The following CDH12 variants were observed in gnomAD, a reference collection of about 807,000 sequenced individuals.
CDH12 encodes cadherin-12.
Under a neutral mutation model 74.1 loss-of-function variants are expected in CDH12, and 41 were observed. The ratio of observed to expected loss-of-function variants is 0.55; its 90% CI spans 0.43 to 0.72. The LOEUF is 0.72. CDH12 is among the 30% of genes least tolerant of loss of function. CDH12 has a pLI of 0.00. For synonymous variants in CDH12, 399 were observed against 355.0 expected (o/e 1.12, Z -1.39); for missense variants, 945 against 977.2 (o/e 0.97, Z 0.44).
chr5:22,272,969 G>T (rs985384265), intron 3 of CDH12, among the ~76,000 whole-genome samples: 1 of 152,162 alleles, frequency 6.6e-6, no homozygotes, highest in Non-Finnish European at 1.5e-5. Flanking sequence ...AGAGAGAAGT[G>T]CCAGCAAGGG....
In CDH12 at chr5:22,181,111, G is replaced by A. The variant is rs544086154; in HGVS notation, c.-187+31387C>T. ...CTCACAAGCAAAATTATCAAGAAGC[G>A]TTGTATACCGTCTGAATCTCTGTTC... is the stretch of plus-strand genomic sequence containing the variant. On this transcript the variant is annotated intron_variant, in intron 4 of 14. Transcript: ENST00000382254. Among the ~76,000 whole-genome samples the A allele has an allele frequency of 1.2e-3, 183 of 152,128 alleles. 3 individuals carry two copies. The highest frequency in any genetic ancestry group is 4.0e-3 in the African/African-American group (168 of 41,526).
chr5:22,134,296 C>T (rs968594634), intron 4 of CDH12, among the ~76,000 whole-genome samples: 2 of 152,060 alleles, frequency 1.3e-5, no homozygotes, highest in Non-Finnish European at 2.9e-5. Flanking sequence ...GAGCTATGGG[C>T]TATTAGCTTG....
At chr5:22,404,103 G>T (rs1418992579) in intron 3 of CDH12, among the ~76,000 whole-genome samples, 3 of 151,940 alleles carry the variant, frequency 2.0e-5, no homozygotes, top group Non-Finnish European at 4.4e-5. Flanking sequence ...AGACATATTT[G>T]TATGTAATAT....
At chr5:21,875,448 A>G (rs1751877350) in intron 6 of CDH12, among the ~76,000 whole-genome samples, 1 of 152,220 alleles carries the variant, frequency 6.6e-6, no homozygotes, top group Admixed American at 6.5e-5. Flanking sequence ...GAATGGGTAG[A>G]GTTCCCTACT....
chr5:22,624,391 A>AT (rs1376414493), intron 1 of CDH12, among the ~76,000 whole-genome samples: 1 of 152,160 alleles, frequency 6.6e-6, no homozygotes, highest in Admixed American at 6.5e-5. Context: ...ATGGGAGAAA[A>AT]TTTTTGCAAT....
At chr5:22,636,226 A>T (rs1307478359) in intron 1 of CDH12, among the ~76,000 whole-genome samples, 2 of 152,098 alleles carry the variant, frequency 1.3e-5, no homozygotes, top group African/African-American at 4.8e-5. Context: ...GGAATATAAA[A>T]TAATGTAGTT....
At chr5:22,187,898 T>A (rs1167032614) in intron 4 of CDH12, among the ~76,000 whole-genome samples, 2 of 152,184 alleles carry the variant, frequency 1.3e-5, no homozygotes, top group African/African-American at 2.4e-5. Context: ...GGAATACAAC[T>A]GAAATAGAGA....
At chr5:22,215,130 T>C (rs1170807297) in intron 3 of CDH12, among the ~76,000 whole-genome samples, 1 of 152,192 alleles carries the variant, frequency 6.6e-6, no homozygotes, top group African/African-American at 2.4e-5. Context: ...GCAGACATTA[T>C]AATATTTTAT....
rs533527799 is a variant in CDH12 at position 22,044,288 on chromosome 5, T to C, written c.231+34158A>G. The stretch of plus-strand genomic sequence containing the variant: ...TTAGTCCATTTTCACACTGCTATAA[T>C]GATACTACCTAAGACTGGGTAATTT... On this transcript the variant is annotated intron_variant, in intron 5 of 14. Coordinates refer to ENST00000382254, the MANE Select transcript of CDH12 (RefSeq NM_004061.5). 3.3e-5 allele frequency among the ~76,000 whole-genome samples: 5 copies of C among 152,274 alleles called. 1 individual carries two copies. The highest frequency in any genetic ancestry group is 1.9e-4 in the East Asian group (1 of 5,186).
At chr5:22,720,913 G>A (rs1743848814) in intron 1 of CDH12, among the ~76,000 whole-genome samples, 1 of 152,152 alleles carries the variant, frequency 6.6e-6, no homozygotes. Context: ...TGTTTAAAGG[G>A]GAAGAAGAGT....
chr5:22,233,345 C>T (rs755840285), intron 3 of CDH12, among the ~76,000 whole-genome samples: 13 of 151,482 alleles, frequency 8.6e-5, no homozygotes, highest in Non-Finnish European at 1.3e-4. Context: ...AAGTAGTATC[C>T]GTATAATTCT....
chr5:22,205,555 T>G (rs1467208906), intron 4 of CDH12, among the ~76,000 whole-genome samples: 28 of 152,278 alleles, frequency 1.8e-4, no homozygotes, highest in Non-Finnish European at 2.5e-4. Context: ...TTATAGATTT[T>G]AGCAATAAGA....
At chr5:22,548,800 G>A (rs1020473946) in intron 1 of CDH12, among the ~76,000 whole-genome samples, 2 of 151,878 alleles carry the variant, frequency 1.3e-5, no homozygotes, top group African/African-American at 4.8e-5. Context: ...AGTTTCTCAC[G>A]GTGGCTATTA....
chr5:22,618,560 G>A (rs886888042), intron 1 of CDH12, among the ~76,000 whole-genome samples: 4 of 152,084 alleles, frequency 2.6e-5, no homozygotes, highest in African/African-American at 4.8e-5. Flanking sequence ...CACTGAGCTC[G>A]TTACTGTCTG....
At chr5:22,033,689 TTGAG>T (rs1297136735) in intron 5 of CDH12, among the ~76,000 whole-genome samples, 3 of 152,154 alleles carry the variant, frequency 2.0e-5, no homozygotes, top group Non-Finnish European at 2.9e-5. Flanking sequence ...TGGATGGATA[TTGAG>T]TGAGAAGAAG....
intron 2 of CDH12, among the ~76,000 whole-genome samples, 182 bp downstream of exon 2, chr5:22,505,088 G>A (rs1736329645): frequency 6.6e-6 from 1 of 151,734 alleles, no homozygotes; most frequent in Non-Finnish European, 1.5e-5. Flanking sequence ...AGAAATAACT[G>A]GTTACTTCAA....
At chr5:22,783,860 A>T (rs1363314712) in intron 1 of CDH12, among the ~76,000 whole-genome samples, 1 of 152,138 alleles carries the variant, frequency 6.6e-6, no homozygotes, top group African/African-American at 2.4e-5. Flanking sequence ...GCCCACAATG[A>T]GACCTGAATC....
chr5:21,856,638 T>C (rs1008726892), intron 6 of CDH12, among the ~76,000 whole-genome samples: 1 of 151,800 alleles, frequency 6.6e-6, no homozygotes, highest in African/African-American at 2.4e-5. Context: ...TACATGACCC[T>C]CCACTATGCT....
chr5:22,668,527 C>G (rs912576562), intron 1 of CDH12, among the ~76,000 whole-genome samples: 1 of 152,238 alleles, frequency 6.6e-6, no homozygotes, highest in Non-Finnish European at 1.5e-5. Context: ...GGCCTTCCTG[C>G]TGATGGAGAC....
Sources: allele counts gnomAD v4.1 joint callset (sites outside exome capture counted in the v4.1 genomes callset), GRCh38; gene constraint gnomAD v4.1.1; transcripts MANE v1.5; gene names NCBI Gene and HGNC (gene_info 2026-07-23, HGNC 2026-07-21).